Variants in RAD50 observed in about 807,000 individuals in gnomAD.
The protein encoded by RAD50 is RAD50 double strand break repair protein, also known as DNA repair protein RAD50.
A neutral mutation model predicts 168.8 loss-of-function variants in RAD50; 132 were observed. The observed-to-expected ratio is 0.78, with a 90% CI of 0.68 to 0.90. The LOEUF is 0.90. RAD50 is among the 40% of genes least tolerant of loss of function. RAD50 has a pLI of 0.00. For missense variants in RAD50, 1,347 were observed against 1,534.4 expected (o/e 0.88, Z 2.04); for synonymous variants, 525 against 497.4 (o/e 1.06, Z -0.74).
At chr5:132,578,897 C>T (rs1750449591) in intron 3 of RAD50, among the ~76,000 whole-genome samples, 1 of 152,140 alleles carries the variant, frequency 6.6e-6, no homozygotes, top group South Asian at 2.1e-4. Flanking sequence ...TGCCTCTGCT[C>T]ACCAGAGCAG....
intron 6 of RAD50, 60 bp from the exon 7 acceptor site, chr5:132,587,864 C>A: frequency 6.4e-7 from 1 of 1,572,442 alleles, no homozygotes; most frequent in African/African-American, 1.4e-5. Flanking sequence ...TTTGATACCT[C>A]AAAGTGATCA....
chr5:132,584,743 C>T (rs1279976778), intron 5 of RAD50, among the ~76,000 whole-genome samples: 2 of 152,072 alleles, frequency 1.3e-5, no homozygotes, highest in Non-Finnish European at 2.9e-5. Flanking sequence ...GGCACATATA[C>T]ACCATGGAAT....
chr5:132,579,367 A>C lies in RAD50; in HGVS notation c.416A>C (p.Glu139Ala). ...LSSKCAEIDREMISSLGVSKA... is the reference protein window; with the variant it reads ...LSSKCAEIDRAMISSLGVSKA... ...TCTAAGTGTGCAGAAATTGACCGAG[A>C]AATGATCAGTTCTCTTGGGGTTTCC... Residue 139 changes from glutamate (E) to alanine (A), a missense_variant, in exon 4 of 25, where the codon GAA becomes GCA. By Grantham distance (107) the Glu-to-Ala change is moderately radical. This residue lies in a region of RAD50 where 703 missense variants were observed against 767.7 expected (regional missense o/e 0.92). Coordinates refer to ENST00000378823, the MANE Select transcript of RAD50 (RefSeq NM_005732.4). 6.2e-7 allele frequency: 1 copy of C among 1,614,072 alleles called. No individual in the cohort carries two copies. The highest frequency in any genetic ancestry group is 8.5e-7 in the Non-Finnish European group (1 of 1,179,966).
chr5:132,609,430 C>T, intron 19 of RAD50, 34 bp downstream of exon 19: 1 of 1,609,624 alleles, frequency 6.2e-7, no homozygotes, highest in Non-Finnish European at 8.5e-7. Flanking sequence ...TCACTTACAC[C>T]TATGACATTC....
At chr5:132,568,322 A>T (rs1024784146) in intron 2 of RAD50, among the ~76,000 whole-genome samples, 1 of 152,056 alleles carries the variant, frequency 6.6e-6, no homozygotes, top group African/African-American at 2.4e-5. Context: ...TGACCTTGTG[A>T]TCCGCCTGCC....
At chr5:132,608,475 A>C in intron 16 of RAD50, 140 bp from the exon 17 acceptor site, 1 of 653,486 alleles carries the variant, frequency 1.5e-6, no homozygotes, top group Non-Finnish European at 2.6e-6. Context: ...TACTGTCCTC[A>C]TAGGGTCATT....
chr5:132,587,752 T>A (rs1750620724), intron 6 of RAD50, 62 bp downstream of exon 6: 1 of 1,606,508 alleles, frequency 6.2e-7, no homozygotes, highest in African/African-American at 1.3e-5. Flanking sequence ...TGAACTTTAT[T>A]TGAATCCATT....
intron 19 of RAD50, among the ~76,000 whole-genome samples, chr5:132,615,455 A>G (rs564038550): frequency 9.2e-5 from 14 of 152,190 alleles, no homozygotes; most frequent in Non-Finnish European, 1.6e-4. Context: ...CATATACCTA[A>G]CAGGTTCTAA....
chr5:132,587,363 A>T (rs1750611284), intron 5 of RAD50, among the ~76,000 whole-genome samples, 199 bp from the exon 6 acceptor site: 1 of 152,188 alleles, frequency 6.6e-6, no homozygotes, highest in African/African-American at 2.4e-5. Context: ...GCTTCTCTCT[A>T]CTAGCTGTGA....
At chr5:132,568,140 G>A (rs868582565) in intron 2 of RAD50, among the ~76,000 whole-genome samples, 11 of 151,458 alleles carry the variant, frequency 7.3e-5, no homozygotes, top group African/African-American at 1.2e-4. Context: ...GCACAATCTC[G>A]GCTCACTGCA....
At position 132,643,026 on chromosome 5, in the gene RAD50, T is replaced by C; in HGVS notation, c.*662T>C. The C allele has an allele frequency of 1.9e-6, 1 of 528,848 alleles. No homozygotes were observed. 32.8% of individuals were successfully genotyped at this position (528,848 alleles called of 1,614,324 possible). A position where few individuals can be genotyped will look rare whatever the true frequency, so the allele number is the denominator to read the frequency against. On this transcript the variant is annotated 3_prime_UTR_variant, in exon 25 of 25. Transcript: ENST00000378823. The stretch of plus-strand genomic sequence containing the variant: ...CCAGATGGTCATCCAGACTCAGAGC[T>C]CTCTCTACAGAGAGGAAATTCTCCA...
At chr5:132,637,536 T>A (rs1450017215) in intron 22 of RAD50, among the ~76,000 whole-genome samples, 2 of 151,824 alleles carry the variant, frequency 1.3e-5, no homozygotes, top group South Asian at 4.2e-4. Flanking sequence ...TTTCTTTTTT[T>A]TTTTTCCAGA....
At chr5:132,583,445 A>G (rs1350244104) in intron 5 of RAD50, among the ~76,000 whole-genome samples, 1 of 152,160 alleles carries the variant, frequency 6.6e-6, no homozygotes, top group Non-Finnish European at 1.5e-5. Flanking sequence ...GTTAGGACAT[A>G]TGCATACAGT....
At chr5:132,639,908 T>C (rs1462056254) in intron 23 of RAD50, among the ~76,000 whole-genome samples, 1 of 152,164 alleles carries the variant, frequency 6.6e-6, no homozygotes, top group Admixed American at 6.5e-5. Flanking sequence ...ACCAACTCAC[T>C]GATGTGTGCG....
Position 132,557,220 on chromosome 5 carries a change from G to GC in RAD50, c.-105_-104insC. On this transcript the variant is annotated 5_prime_UTR_variant, in exon 1 of 25. Transcript: ENST00000378823. Reference sequence around the variant, plus strand: ...CCTCGCTCCCCGCCCGGATCCTCCTGACCCTGAGATTCGCGGGTCTCACGT... The same window carrying GC: ...CCTCGCTCCCCGCCCGGATCCTCCTGCACCCTGAGATTCGCGGGTCTCACGT... 2 of 1,489,492 alleles carry GC rather than the reference G, an allele frequency of 1.3e-6. No homozygotes were observed. Among genetic ancestry groups the GC allele is most frequent in the Non-Finnish European group, 1.9e-6 (2 of 1,068,670 alleles). The allele number at this position is 1,489,492 out of a possible 1,614,324, so 92.3% of individuals were successfully genotyped here.
chr5:132,557,501 G>C, intron 1 of RAD50, 48 bp downstream of exon 1: 1 of 1,610,602 alleles, frequency 6.2e-7, no homozygotes, highest in Non-Finnish European at 8.5e-7. Context: ...TACATCTTTC[G>C]GAGAATAAAA....
chr5:132,587,932 A>G lies in RAD50; in HGVS notation c.894A>G (p.Gln298=), dbSNP rs1561639106. Residue 298 remains glutamine (Q), a synonymous_variant, in exon 7 of 25, where the codon CAA becomes CAG. Coordinates refer to ENST00000378823, the MANE Select transcript of RAD50 (RefSeq NM_005732.4). ...ELEEKMEKVF[Q]GTDEQLNDLY... ...ATTTTGGTGTTACACAGGTTTTTCA[A>G]GGGACTGATGAGCAACTAAATGACT... The G allele has an allele frequency of 6.2e-7, 1 of 1,612,994 alleles. No individual in the cohort carries two copies. The highest frequency in any genetic ancestry group is 8.5e-7 in the Non-Finnish European group (1 of 1,179,246).
In RAD50 at chr5:132,637,904, G is replaced by T. The variant is rs144279420; in HGVS notation, c.3476-177G>T. On this transcript the variant is annotated intron_variant, in intron 22 of 24. Transcript: ENST00000378823. Reference sequence around the variant, plus strand: ...AACTGGGGCATCTGGGTTGCTTCTGGCCAGACCACCAGGCTCTTGAATCCT... The same window carrying T: ...AACTGGGGCATCTGGGTTGCTTCTGTCCAGACCACCAGGCTCTTGAATCCT... The T allele has an allele frequency of 8.4e-5, 59 of 701,164 alleles. No homozygotes were observed. In the African/African-American group the frequency reaches 9.7e-4, roughly 11 times the overall value. The allele number at this position is 701,164 out of a possible 1,614,324, so 43.4% of individuals were successfully genotyped here.
intron 19 of RAD50, among the ~76,000 whole-genome samples, chr5:132,614,749 A>T (rs1403254279): frequency 1.3e-5 from 2 of 151,546 alleles, no homozygotes; most frequent in Admixed American, 6.6e-5. Context: ...GAATCCGTAG[A>T]TGTGGACCCT....
Sources: gnomAD v4.1 joint callset for allele counts (sites outside exome capture counted in the v4.1 genomes callset) on GRCh38, gnomAD v4.1.1 for gene constraint, gnomAD v4.1.1 regional missense constraint, MANE v1.5 for transcripts, NCBI Gene and HGNC (gene_info 2026-07-23, HGNC 2026-07-21) for gene names.